Variants in NUP214 observed in about 807,000 individuals in gnomAD.
The protein encoded by NUP214 is nucleoporin 214.
Under a neutral mutation model 196.2 loss-of-function variants are expected in NUP214, and 79 were observed. The ratio of observed to expected loss-of-function variants is 0.40; its 90% confidence interval spans 0.34 to 0.49. NUP214 has a LOEUF of 0.49. NUP214 is among the 20% of genes least tolerant of loss of function. The pLI, the probability that NUP214 is intolerant of heterozygous loss-of-function variation, is 0.58. For synonymous variants in NUP214, 1,020 were observed against 990.5 expected (o/e 1.03, Z -0.56); for missense variants, 2,468 against 2,539.0 (o/e 0.97, Z 0.60).
At chr9:131,142,728 A>T (rs2133484805) in intron 11 of NUP214, among the ~76,000 whole-genome samples, 1 of 152,350 alleles carries the variant, frequency 6.6e-6, no homozygotes, top group African/African-American at 2.4e-5. Flanking sequence ...GTATTAACAG[A>T]ATAGGTTTGC....
At chr9:131,150,514 G>T in intron 15 of NUP214, 102 bp from the exon 16 acceptor site, 1 of 1,569,718 alleles carries the variant, frequency 6.4e-7, no homozygotes. Context: ...TAGCGCTGAA[G>T]CATGGCCCAT....
At chr9:131,216,332 G>A (rs1310224292) in intron 31 of NUP214, among the ~76,000 whole-genome samples, 3 of 146,524 alleles carry the variant, frequency 2.0e-5, no homozygotes, top group Non-Finnish European at 3.0e-5. Flanking sequence ...TCATGCCATT[G>A]TCCTGCCTCA....
intron 17 of NUP214, among the ~76,000 whole-genome samples, chr9:131,152,705 G>T (rs1467367095): frequency 1.3e-5 from 2 of 152,082 alleles, no homozygotes; most frequent in African/African-American, 4.8e-5. Flanking sequence ...TGTTGGCTAG[G>T]AAACGGGGAA....
chr9:131,195,155 A>G (rs1833737842), intron 27 of NUP214, 78 bp from the exon 28 acceptor site: 8 of 1,010,546 alleles, frequency 7.9e-6, no homozygotes, highest in South Asian at 1.5e-5. Context: ...GTATGAATGA[A>G]TGATAAAATG....
chr9:131,149,398 A>G (rs966638821), intron 14 of NUP214, among the ~76,000 whole-genome samples: 7 of 150,790 alleles, frequency 4.6e-5, no homozygotes, highest in Admixed American at 3.3e-4. Context: ...TCCTTTTCCA[A>G]TGGGTAAGTA....
intron 30 of NUP214, among the ~76,000 whole-genome samples, chr9:131,213,578 C>G (rs528008525): frequency 6.6e-6 from 1 of 152,308 alleles, no homozygotes; most frequent in South Asian, 2.1e-4. Context: ...CAGCCTGATG[C>G]ATGGACGTCA....
At chr9:131,193,001 C>T (rs540863150) in intron 27 of NUP214, among the ~76,000 whole-genome samples, 1 of 121,732 alleles carries the variant, frequency 8.2e-6, no homozygotes, top group Non-Finnish European at 1.7e-5. Context: ...GTATACTAAA[C>T]TTAGAGAATG....
chr9:131,179,694 CTT>C (rs1480350047), intron 24 of NUP214, among the ~76,000 whole-genome samples: 3 of 152,280 alleles, frequency 2.0e-5, no homozygotes, highest in South Asian at 4.1e-4. Context: ...CCGCTGGCCT[CTT>C]TTTTTCCATG....
chr9:131,192,211 C>T lies in NUP214; in HGVS notation c.3578C>T (p.Thr1193Ile), dbSNP rs764825280. 1 of 487,050 alleles carries T rather than the reference C, an allele frequency of 2.1e-6. No homozygotes were observed. The highest frequency in any genetic ancestry group is 3.5e-6 in the Non-Finnish European group (1 of 288,316). 30.2% of individuals were successfully genotyped at this position (487,050 alleles called of 1,614,324 possible). Residue 1193 changes from threonine (T) to isoleucine (I), a missense_variant, in exon 27 of 36, where the codon ACA becomes ATA. Around this residue, in one of 5 missense-constraint regions of NUP214, gnomAD observed 1,801 missense variants for 1,779.4 expected, o/e 1.01. Coordinates refer to ENST00000359428, the MANE Select transcript of NUP214 (RefSeq NM_005085.4). The stretch of plus-strand genomic sequence containing the variant: ...TTTTTTTTTTCCATAATTTCAGGGA[C>T]AGCCAAGATAGAAACAGCTGTGACT... ...QLSSGDKASG[T>I]AKIETAVTST...
intron 31 of NUP214, among the ~76,000 whole-genome samples, chr9:131,216,142 G>A (rs892914013): frequency 2.3e-4 from 35 of 151,356 alleles, no homozygotes; most frequent in African/African-American, 7.0e-4. Context: ...CGCCCGCCTC[G>A]GCCTCCCAAA....
chr9:131,221,211 A>G (rs1033049039), intron 31 of NUP214, among the ~76,000 whole-genome samples: 12 of 152,234 alleles, frequency 7.9e-5, no homozygotes, highest in Admixed American at 3.3e-4. Context: ...GGGATACATT[A>G]TCCTGTGGTA....
intron 18 of NUP214, 143 bp downstream of exon 18, chr9:131,159,629 G>A (rs1588139003): frequency 7.2e-6 from 5 of 691,014 alleles, no homozygotes; most frequent in Admixed American, 2.5e-5. Flanking sequence ...AGGCCGAGGC[G>A]AGTGGATCAC....
rs757712340 is a variant in NUP214 at position 131,144,440 on chromosome 9, T to A, written c.1455T>A (p.Gly485=). 8 of 1,614,176 alleles carry A rather than the reference T, an allele frequency of 5.0e-6. No individual in the cohort carries two copies. In the Admixed American group the frequency reaches 1.2e-4, roughly 24 times the overall value. The change falls in exon 12 of 36, where the codon GGT becomes GGA. Residue 485 remains glycine, a synonymous_variant. Transcript: ENST00000359428. ...GAGCCCCCACTGTGTTCTCCTTTGGTTCTTCATCTTTGAAGTCATCTGCTA... is the reference window on the plus strand; with the variant it reads ...GAGCCCCCACTGTGTTCTCCTTTGGATCTTCATCTTTGAAGTCATCTGCTA... The part of the protein sequence containing the change: ...AGGAPTVFSF[G]SSSLKSSATV...
In NUP214 at chr9:131,163,928, C is replaced by G; in HGVS notation, c.2782C>G (p.His928Asp). ...TTTGTTGAAAACCACCATAGAATCTCACACCAAATCCTTGCCCAAAGTACC... is the reference window on the plus strand; with the variant it reads ...TTTGTTGAAAACCACCATAGAATCTGACACCAAATCCTTGCCCAAAGTACC... ...NALLKTTIES[H>D]TKSLPKVPAK... The change falls in exon 20 of 36, where the codon CAC (histidine) becomes GAC (aspartate). Residue 928 changes from histidine to aspartate, a missense_variant. His to Asp is a moderately conservative substitution (Grantham distance 81, BLOSUM62 -1). This residue lies in a region of NUP214 where 1,801 missense variants were observed against 1,779.4 expected (regional missense o/e 1.01). Coordinates refer to ENST00000359428, the MANE Select transcript of NUP214 (RefSeq NM_005085.4). 1 of 1,614,146 alleles carries G rather than the reference C, an allele frequency of 6.2e-7. No homozygotes were observed. The highest frequency in any genetic ancestry group is 8.5e-7 in the Non-Finnish European group (1 of 1,179,994).
intron 11 of NUP214, among the ~76,000 whole-genome samples, chr9:131,142,141 T>C (rs568731870): frequency 2.6e-5 from 4 of 152,294 alleles, no homozygotes; most frequent in East Asian, 3.9e-4. Flanking sequence ...TGTTTTTTTT[T>C]CCTCCTTATT....
Position 131,130,137 on chromosome 9 carries a change from G to GTTTTTTATTTTTT in NUP214, c.593-623_593-622insATTTTTTTTTTTT, listed in dbSNP as rs1831490980. Among the ~76,000 whole-genome samples the GTTTTTTATTTTTT allele has an allele frequency of 3.3e-4, 25 of 76,894 alleles. 1 individual carries two copies. The highest frequency in any genetic ancestry group is 1.2e-3 in the African/African-American group (24 of 19,950). The allele number at this position is 76,894 out of a possible 152,430, so 50.4% of individuals were successfully genotyped here. On this transcript the variant is annotated intron_variant, in intron 4 of 35. Coordinates refer to ENST00000359428, the MANE Select transcript of NUP214 (RefSeq NM_005085.4). ...GAGCAGGAGAATGATTTCTGGTTTTGTTTTTTTTTTTTTGTTTTTTTTTTG... is the reference window on the plus strand; with the variant it reads ...GAGCAGGAGAATGATTTCTGGTTTTGTTTTTTATTTTTTTTTTTTTTTTTTTGTTTTTTTTTTG...
intron 21 of NUP214, among the ~76,000 whole-genome samples, chr9:131,170,942 T>C (rs1832939991): frequency 6.6e-6 from 1 of 152,192 alleles, no homozygotes; most frequent in Non-Finnish European, 1.5e-5. Flanking sequence ...TTGCTGCATC[T>C]ACTGAGATGA....
chr9:131,139,909 T>A (rs1303797689), intron 10 of NUP214, among the ~76,000 whole-genome samples: 1 of 152,202 alleles, frequency 6.6e-6, no homozygotes, highest in Non-Finnish European at 1.5e-5. Context: ...ACTGTAGTCA[T>A]TGAAATGTAA....
chr9:131,144,945 G>A (rs1472732520), intron 12 of NUP214, among the ~76,000 whole-genome samples, 191 bp downstream of exon 12: 1 of 152,162 alleles, frequency 6.6e-6, no homozygotes, highest in Non-Finnish European at 1.5e-5. Context: ...GTCCAGAAGG[G>A]TCTCTTAGCT....
Sources: allele counts gnomAD v4.1 joint callset (sites outside exome capture counted in the v4.1 genomes callset), GRCh38; gene constraint gnomAD v4.1.1; regional missense constraint gnomAD v4.1.1; transcripts MANE v1.5; gene names NCBI Gene and HGNC (gene_info 2026-07-23, HGNC 2026-07-21).